Variants in PDE1C observed in about 807,000 individuals in gnomAD.
PDE1C encodes the protein phosphodiesterase 1C, also known as dual specificity calcium/calmodulin-dependent 3',5'-cyclic nucleotide phosphodiesterase 1C.
In PDE1C, 62 loss-of-function variants were observed where a neutral mutation model predicts 93.1. That is an observed-to-expected ratio of 0.67 (90% CI 0.54 to 0.82). The LOEUF (loss-of-function observed/expected upper bound fraction) is 0.82, where lower values mean the gene tolerates loss of function less well. Ranked by LOEUF, PDE1C falls within the 40% of genes least tolerant of loss-of-function variation. PDE1C has a pLI of 0.00. For synonymous variants in PDE1C, 325 were observed against 310.1 expected (o/e 1.05, Z -0.50); for missense variants, 742 against 884.6 (o/e 0.84, Z 2.04).
chr7:32,325,100 C>A (rs899498918), intron 1 of PDE1C, among the ~76,000 whole-genome samples: 5 of 152,214 alleles, frequency 3.3e-5, no homozygotes, highest in Non-Finnish European at 7.3e-5. Context: ...ACAAATAATA[C>A]GTTCATCAAA....
chr7:31,645,918 C>T, the PDE1C span, among the ~76,000 whole-genome samples: 4 of 151,920 alleles, frequency 2.6e-5, no homozygotes, highest in South Asian at 2.1e-4. Flanking sequence ...AACATTTACC[C>T]GATCACGTAG....
At chr7:31,704,788 T>C in the PDE1C span, among the ~76,000 whole-genome samples, 1 of 152,280 alleles carries the variant, frequency 6.6e-6, no homozygotes, top group East Asian at 1.9e-4. Context: ...ATGATCACCA[T>C]AGGCAAAGCT....
chr7:32,169,741 ACAAG>A (rs762072250), intron 3 of PDE1C: 2 of 1,572,762 alleles, frequency 1.3e-6, no homozygotes, highest in South Asian at 2.2e-5. Context: ...AAACAACTCC[ACAAG>A]CAAATAAGAA....
upstream of PDE1C, among the ~76,000 whole-genome samples, chr7:32,074,393 T>A (rs1162538066): frequency 6.6e-6 from 1 of 152,198 alleles, no homozygotes; most frequent in Non-Finnish European, 1.5e-5. Flanking sequence ...GGTTGATCCA[T>A]TTCATCCCCA....
At chr7:31,825,798 C>T (rs985849111) in intron 12 of PDE1C, among the ~76,000 whole-genome samples, 58 of 152,010 alleles carry the variant, frequency 3.8e-4, no homozygotes, top group African/African-American at 1.4e-3. Context: ...ATGGGATCTG[C>T]CAAAGACACT....
intron 16 of PDE1C, among the ~76,000 whole-genome samples, chr7:31,806,253 A>G (rs1786809299): frequency 2.0e-5 from 3 of 151,982 alleles, no homozygotes; most frequent in African/African-American, 4.8e-5. Flanking sequence ...TAATGTGATC[A>G]AGTAAAGTTA....
chr7:32,024,025 T>A (rs1272500091), intron 2 of PDE1C, among the ~76,000 whole-genome samples: 2 of 152,154 alleles, frequency 1.3e-5, no homozygotes, highest in Non-Finnish European at 2.9e-5. Flanking sequence ...CATTTCCCCA[T>A]ACATTTCTTT....
chr7:31,995,679 G>T (rs1286084269), intron 2 of PDE1C, among the ~76,000 whole-genome samples: 2 of 152,004 alleles, frequency 1.3e-5, no homozygotes, highest in Admixed American at 6.6e-5. Context: ...ACTCAACTTT[G>T]AAATTCCCCA....
chr7:32,218,186 G>C (rs146253201), intron 1 of PDE1C, among the ~76,000 whole-genome samples: 1 of 152,110 alleles, frequency 6.6e-6, no homozygotes, highest in Non-Finnish European at 1.5e-5. Flanking sequence ...TTGTGCCCCA[G>C]AGCCATAAAA....
At chr7:32,410,189 T>C (rs557964854) in intron 1 of PDE1C, among the ~76,000 whole-genome samples, 11 of 152,100 alleles carry the variant, frequency 7.2e-5, no homozygotes, top group Non-Finnish European at 1.0e-4. Context: ...CCAACCAGGG[T>C]GGGCGTGGTG....
chr7:31,636,805 G>C, the PDE1C span, among the ~76,000 whole-genome samples: 7 of 151,210 alleles, frequency 4.6e-5, no homozygotes, highest in African/African-American at 9.7e-5. Flanking sequence ...GTATACATGT[G>C]CCATGTTGGT....
chr7:31,969,106 G>A (rs1376094748), intron 2 of PDE1C, among the ~76,000 whole-genome samples: 2 of 152,106 alleles, frequency 1.3e-5, no homozygotes, highest in Non-Finnish European at 2.9e-5. Context: ...AAAAGCAATG[G>A]CAACAAAAGC....
intron 2 of PDE1C, among the ~76,000 whole-genome samples, chr7:31,969,888 A>G (rs960478501): frequency 2.6e-5 from 4 of 152,184 alleles, no homozygotes; most frequent in African/African-American, 7.2e-5. Context: ...AAACTATCGC[A>G]AGGACAAAAA....
chr7:32,291,799 T>C (rs1054081374), intron 1 of PDE1C, among the ~76,000 whole-genome samples: 3 of 152,212 alleles, frequency 2.0e-5, no homozygotes, highest in African/African-American at 7.2e-5. Flanking sequence ...GGGTCAAGAC[T>C]TGAAGCTCAC....
chr7:31,821,537 T>A (rs1788957602), intron 14 of PDE1C, among the ~76,000 whole-genome samples: 1 of 152,140 alleles, frequency 6.6e-6, no homozygotes, highest in Non-Finnish European at 1.5e-5. Flanking sequence ...CTGCCATCGC[T>A]GCTTGCAATG....
At chr7:31,792,149 G>C (rs1378924387) in intron 16 of PDE1C, among the ~76,000 whole-genome samples, 3 of 152,036 alleles carry the variant, frequency 2.0e-5, no homozygotes, top group African/African-American at 7.2e-5. Context: ...CCAAACACAT[G>C]CCCTCTAAAA....
chr7:32,103,854 A>C (rs1798158093), intron 3 of PDE1C, among the ~76,000 whole-genome samples: 2 of 152,184 alleles, frequency 1.3e-5, no homozygotes, highest in South Asian at 4.1e-4. Context: ...AGAAGAAACA[A>C]GAATAGGATG....
intron 1 of PDE1C, among the ~76,000 whole-genome samples, chr7:32,384,487 A>T (rs1200785930): frequency 6.6e-6 from 1 of 152,216 alleles, no homozygotes; most frequent in East Asian, 1.9e-4. Context: ...CTTTAGAAAG[A>T]AATGTCTCAG....
chr7:31,836,465 G>T (rs1791123824), intron 11 of PDE1C, among the ~76,000 whole-genome samples: 2 of 152,072 alleles, frequency 1.3e-5, no homozygotes, highest in Admixed American at 1.3e-4. Flanking sequence ...CTCTCAAGTA[G>T]CTGGGATTAC....
Sources: allele counts gnomAD v4.1 joint callset (sites outside exome capture counted in the v4.1 genomes callset), GRCh38; gene constraint gnomAD v4.1.1; transcripts MANE v1.5; gene names NCBI Gene and HGNC (gene_info 2026-07-23, HGNC 2026-07-21).